ZNF227: variants seen among roughly 807,000 people sequenced by gnomAD.
The protein encoded by ZNF227 is zinc finger protein 227.
In ZNF227, 12 loss-of-function variants were observed where a neutral mutation model predicts 13.2. The ratio of observed to expected loss-of-function variants is 0.91; its 90% confidence interval spans 0.58 to 1.47. ZNF227 has a LOEUF of 1.47. Ranked by LOEUF, ZNF227 falls within the 40% of genes most tolerant of loss-of-function variation. The pLI is 0.00. For missense variants in ZNF227, 885 were observed against 967.5 expected (o/e 0.91, Z 1.13); for synonymous variants, 338 against 326.0 (o/e 1.04, Z -0.40).
intron 3 of ZNF227, among the ~76,000 whole-genome samples, chr19:44,222,914 T>TTTTGA (rs1188060733): frequency 6.6e-6 from 1 of 150,716 alleles, no homozygotes; most frequent in Admixed American, 6.6e-5. Flanking sequence ...CATAGATAGC[T>TTTTGA]CTTATTATTT....
At chr19:44,219,910 C>T (rs1972285011) in intron 3 of ZNF227, among the ~76,000 whole-genome samples, 2 of 151,878 alleles carry the variant, frequency 1.3e-5, no homozygotes, top group Non-Finnish European at 2.9e-5. Context: ...AGGTATATCT[C>T]CTAATGCTAT....
chr19:44,228,718 T>G (rs1250267410), intron 4 of ZNF227, 146 bp downstream of exon 4: 1 of 1,050,466 alleles, frequency 9.5e-7, no homozygotes, highest in Non-Finnish European at 1.3e-6. Context: ...CAGGATAGGT[T>G]TTTCTGGTCT....
Position 44,235,361 on chromosome 19 carries a change from T to A in ZNF227, c.931T>A (p.Phe311Ile). The A allele has an allele frequency of 6.2e-7, 1 of 1,614,202 alleles. No individual in the cohort carries two copies. The highest frequency in any genetic ancestry group is 8.5e-7 in the Non-Finnish European group (1 of 1,180,036). Residue 311 changes from phenylalanine to isoleucine, a missense_variant, in exon 6 of 6, where the codon TTT (phenylalanine) becomes ATT (isoleucine). Physicochemically the swap from Phe to Ile is conservative, Grantham distance 21 (BLOSUM62 0). Transcript: ENST00000313040. ...TGGTGATTGCTTCAATAAGAGCTCTTTTCATTCTTATCAATCTAATCATAC... is the reference window on the plus strand; with the variant it reads ...TGGTGATTGCTTCAATAAGAGCTCTATTCATTCTTATCAATCTAATCATAC... The part of the protein sequence containing the change: ...ESGDCFNKSS[F>I]HSYQSNHTGE...
At chr19:44,215,318 A>G (rs905423566) in intron 2 of ZNF227, among the ~76,000 whole-genome samples, 3 of 147,336 alleles carry the variant, frequency 2.0e-5, no homozygotes, top group Admixed American at 1.3e-4. Flanking sequence ...TTTTTTTTTT[A>G]TTTTCTACCA....
At chr19:44,226,416 G>T (rs1463236393) in intron 3 of ZNF227, among the ~76,000 whole-genome samples, 1 of 152,344 alleles carries the variant, frequency 6.6e-6, no homozygotes, top group East Asian at 1.9e-4. Context: ...TTGAGCTGTG[G>T]TGGGCTCCAC....
intron 3 of ZNF227, among the ~76,000 whole-genome samples, chr19:44,226,670 G>A (rs771177394): frequency 2.4e-4 from 36 of 152,228 alleles, no homozygotes; most frequent in Non-Finnish European, 4.1e-4. Flanking sequence ...TCCAGGTGCC[G>A]TCTGTCACCC....
chr19:44,234,395 T>C (rs536132299), intron 5 of ZNF227, among the ~76,000 whole-genome samples: 8 of 152,202 alleles, frequency 5.3e-5, no homozygotes, highest in Admixed American at 1.3e-4. Flanking sequence ...GGTTGGAATA[T>C]GGATTTTCTT....
chr19:44,228,402 A>G (rs1389564037), intron 3 of ZNF227, 44 bp from the exon 4 acceptor site: 6 of 1,584,028 alleles, frequency 3.8e-6, no homozygotes, highest in African/African-American at 1.4e-5. Context: ...TCTTCTAGTG[A>G]AGGTTGGTTG....
chr19:44,215,990 A>C (rs1039538342), intron 2 of ZNF227, among the ~76,000 whole-genome samples: 2 of 87,342 alleles, frequency 2.3e-5, no homozygotes, highest in Non-Finnish European at 3.7e-5. Context: ...CTCTCTCTCT[A>C]AAAAAAAAAA....
upstream of ZNF227, among the ~76,000 whole-genome samples, chr19:44,211,375 A>G (rs1309866361): frequency 1.3e-5 from 2 of 152,240 alleles, no homozygotes; most frequent in African/African-American, 4.8e-5. Flanking sequence ...ATATTTAGTA[A>G]ATGAGAACTG....
intron 3 of ZNF227, among the ~76,000 whole-genome samples, chr19:44,221,921 T>C (rs1972563335): frequency 6.6e-6 from 1 of 152,204 alleles, no homozygotes; most frequent in South Asian, 2.1e-4. Context: ...CTTTAATCCA[T>C]CTTGAATTAA....
At chr19:44,226,196 G>C (rs1973131029) in intron 3 of ZNF227, among the ~76,000 whole-genome samples, 1 of 152,228 alleles carries the variant, frequency 6.6e-6, no homozygotes, top group Non-Finnish European at 1.5e-5. Flanking sequence ...CCCCTACTGG[G>C]GGGGTGTCTC....
chr19:44,236,440 A>G lies in ZNF227; in HGVS notation c.2010A>G (p.Arg670=). ...YKCDVCGKGF[R]YSSQFIYHQR... ...GTGATGTGTGTGGAAAGGGCTTTAG[A>G]TACAGTTCGCAGTTTATATACCATC... The change falls in exon 6 of 6, where the codon AGA becomes AGG. Residue 670 remains arginine (R), a synonymous_variant. Coordinates refer to ENST00000313040, the MANE Select transcript of ZNF227 (RefSeq NM_182490.3). The G allele has an allele frequency of 1.9e-6, 3 of 1,612,890 alleles. No homozygotes were observed. Among genetic ancestry groups the G allele is most frequent in the Non-Finnish European group, 2.5e-6 (3 of 1,179,734 alleles).
chr19:44,233,625 G>T (rs535465543), intron 5 of ZNF227, among the ~76,000 whole-genome samples: 77 of 152,258 alleles, frequency 5.1e-4, no homozygotes, highest in African/African-American at 1.7e-3. Context: ...GGCCGGGCGT[G>T]GTGGTTCAGC....
At chr19:44,225,694 T>G (rs561486992) in intron 3 of ZNF227, among the ~76,000 whole-genome samples, 54 of 152,330 alleles carry the variant, frequency 3.5e-4, no homozygotes, top group African/African-American at 1.3e-3. Flanking sequence ...GTTTTTAACT[T>G]CTTTGCCATT....
intron 3 of ZNF227, among the ~76,000 whole-genome samples, chr19:44,220,094 T>C (rs1972321783): frequency 6.6e-6 from 1 of 152,218 alleles, no homozygotes; most frequent in South Asian, 2.1e-4. Context: ...TCCATGTCCC[T>C]ACAAAGGACA....
At chr19:44,221,564 T>G (rs555674631) in intron 3 of ZNF227, among the ~76,000 whole-genome samples, 2 of 152,366 alleles carry the variant, frequency 1.3e-5, no homozygotes, top group Admixed American at 6.5e-5. Context: ...TGTTTTCTTT[T>G]GAGAAGTGTC....
intron 4 of ZNF227, among the ~76,000 whole-genome samples, chr19:44,229,474 T>G (rs1184117477): frequency 1.3e-5 from 2 of 152,078 alleles, no homozygotes; most frequent in Non-Finnish European, 2.9e-5. Flanking sequence ...TAGCCGGGTG[T>G]GGTGGCAGGT....
chr19:44,234,496 G>C (rs1974193131), intron 5 of ZNF227, among the ~76,000 whole-genome samples: 1 of 152,110 alleles, frequency 6.6e-6, no homozygotes. Context: ...TTTATACTTA[G>C]TGAATGGGAG....
Sources: gnomAD v4.1 joint callset for allele counts (sites outside exome capture counted in the v4.1 genomes callset) on GRCh38, gnomAD v4.1.1 for gene constraint, MANE v1.5 for transcripts, NCBI Gene and HGNC (gene_info 2026-07-23, HGNC 2026-07-21) for gene names.